Variants in RGS6 observed in about 807,000 individuals in gnomAD.
RGS6 encodes the protein regulator of G protein signaling 6.
Under a neutral mutation model 78.5 loss-of-function variants are expected in RGS6, and 30 were observed. That is an observed-to-expected ratio of 0.38 (90% CI 0.29 to 0.52). The LOEUF (loss-of-function observed/expected upper bound fraction) is 0.52, where lower values mean the gene tolerates loss of function less well. Ranked by LOEUF, RGS6 falls within the 20% of genes least tolerant of loss-of-function variation. The pLI is 0.85. For missense variants in RGS6, 495 were observed against 609.7 expected (o/e 0.81, Z 1.98); for synonymous variants, 206 against 206.0 (o/e 1.00, Z 0.00).
chr14:72,098,774 A>G (rs1437920943), intron 2 of RGS6, among the ~76,000 whole-genome samples: 1 of 152,114 alleles, frequency 6.6e-6, no homozygotes, highest in Non-Finnish European at 1.5e-5. Flanking sequence ...TTCCTGTAAA[A>G]TGGTACTGCA....
intron 3 of RGS6, among the ~76,000 whole-genome samples, chr14:72,377,335 A>G (rs1321272540): frequency 2.0e-5 from 3 of 152,238 alleles, no homozygotes; most frequent in Admixed American, 2.0e-4. Context: ...AGATTAATTC[A>G]GCAAGAGAAT....
At chr14:71,934,247 C>G (rs2088561272) in intron 1 of RGS6, among the ~76,000 whole-genome samples, 1 of 152,126 alleles carries the variant, frequency 6.6e-6, no homozygotes, top group Non-Finnish European at 1.5e-5. Context: ...TATTGTACCA[C>G]TCTTAAGCTA....
intron 3 of RGS6, among the ~76,000 whole-genome samples, chr14:72,418,206 G>A (rs942719168): frequency 3.3e-5 from 5 of 150,150 alleles, no homozygotes; most frequent in African/African-American, 1.2e-4. Flanking sequence ...TCACTCTGTT[G>A]CCCAGGTTGG....
chr14:72,044,835 T>C (rs1438621669), intron 2 of RGS6, among the ~76,000 whole-genome samples: 1 of 152,068 alleles, frequency 6.6e-6, no homozygotes, highest in Non-Finnish European at 1.5e-5. Flanking sequence ...ATGATGCCAC[T>C]GCACTCCAGC....
chr14:72,522,660 T>G (rs1414019414), intron 15 of RGS6, among the ~76,000 whole-genome samples: 1 of 150,414 alleles, frequency 6.6e-6, no homozygotes, highest in Non-Finnish European at 1.5e-5. Flanking sequence ...TTCATATAAT[T>G]TTTCACAAAA....
intron 2 of RGS6, among the ~76,000 whole-genome samples, chr14:72,145,485 G>A (rs2096595894): frequency 6.6e-6 from 1 of 152,134 alleles, no homozygotes; most frequent in Non-Finnish European, 1.5e-5. Flanking sequence ...TTAAAATTTT[G>A]TAAAGGTGGT....
Position 72,536,053 on chromosome 14 carries a change from T to G in RGS6, c.1279-133T>G, listed in dbSNP as rs529932589. On this transcript the variant is annotated intron_variant, in intron 15 of 17. Transcript: ENST00000553525. ...GTGTGGGGATGGAACATGTTGCAAG[T>G]TTTTCTAGGTACATGCAAACATACC... 6 of 683,368 alleles carry G rather than the reference T, an allele frequency of 8.8e-6. No homozygotes were observed. In the South Asian group the frequency reaches 9.8e-5, roughly 11 times the overall value. 42.3% of individuals were successfully genotyped at this position (683,368 alleles called of 1,614,324 possible).
chr14:71,876,799 T>C, the RGS6 span, among the ~76,000 whole-genome samples: 1 of 152,198 alleles, frequency 6.6e-6, no homozygotes, highest in Non-Finnish European at 1.5e-5. Context: ...GGTATGTTTT[T>C]GCAGTGGCTG....
the RGS6 span, chr14:72,594,979 T>C: frequency 5.3e-5 from 8 of 152,152 alleles, no homozygotes; most frequent in African/African-American, 1.9e-4. Context: ...GTGGTCATGC[T>C]TGAAAGTCAT....
chr14:72,072,461 C>A (rs1181274934), intron 2 of RGS6, among the ~76,000 whole-genome samples: 1 of 152,094 alleles, frequency 6.6e-6, no homozygotes, highest in African/African-American at 2.4e-5. Context: ...GTGTGTGCCA[C>A]CATGCCCGGC....
the RGS6 span, among the ~76,000 whole-genome samples, chr14:72,591,746 G>A: frequency 3.3e-5 from 5 of 152,156 alleles, no homozygotes; most frequent in Non-Finnish European, 5.9e-5. Flanking sequence ...AGACCAGTTC[G>A]CAGAAGAGAA....
rs1448600769 is a variant in RGS6, at chr14:72,445,473, A to T, written c.185-9055A>T. ...CCAAAGTGCTGGGATTACAGGCAAAAAGATGTGATTTTTTTTTTTTTTTTA... is the reference window on the plus strand; with the variant it reads ...CCAAAGTGCTGGGATTACAGGCAAATAGATGTGATTTTTTTTTTTTTTTTA... On this transcript the variant is annotated intron_variant, in intron 3 of 17. Transcript: ENST00000553525. Among the ~76,000 whole-genome samples, 12 of 130,604 alleles carry T rather than the reference A, an allele frequency of 9.2e-5. No homozygotes were observed. In the Admixed American group the frequency reaches 1.1e-3, roughly 12 times the overall value. 85.7% of individuals were successfully genotyped at this position (130,604 alleles called of 152,430 possible). A position where few individuals can be genotyped will look rare whatever the true frequency, so the allele number is the denominator to read the frequency against.
intron 2 of RGS6, among the ~76,000 whole-genome samples, chr14:72,235,447 A>G (rs534833298): frequency 3.3e-4 from 51 of 152,382 alleles, no homozygotes; most frequent in Non-Finnish European, 5.6e-4. Context: ...CATAATTGAA[A>G]TAAACTTTAA....
chr14:72,511,913 A>G (rs563406258), intron 14 of RGS6: 5 of 152,328 alleles, frequency 3.3e-5, no homozygotes, highest in African/African-American at 1.2e-4. Context: ...ATGCCTAATG[A>G]AGCATTTGTA....
At chr14:72,167,161 T>C (rs1018225735) in intron 2 of RGS6, among the ~76,000 whole-genome samples, 1 of 152,174 alleles carries the variant, frequency 6.6e-6, no homozygotes, top group Non-Finnish European at 1.5e-5. Context: ...GGATCCACAT[T>C]TGAGCTTGTT....
chr14:72,287,897 A>G (rs1306272080), intron 2 of RGS6, among the ~76,000 whole-genome samples: 6 of 152,348 alleles, frequency 3.9e-5, no homozygotes, highest in African/African-American at 9.6e-5. Context: ...TATTATATCA[A>G]TTGATTTGCA....
At chr14:72,087,482 A>C (rs1296284478) in intron 2 of RGS6, among the ~76,000 whole-genome samples, 1 of 152,150 alleles carries the variant, frequency 6.6e-6, no homozygotes, top group Non-Finnish European at 1.5e-5. Context: ...GAATATTGTG[A>C]AGTAGTAAAA....
At chr14:72,546,281 G>A (rs905868699) in intron 17 of RGS6, among the ~76,000 whole-genome samples, 3 of 152,198 alleles carry the variant, frequency 2.0e-5, no homozygotes, top group Non-Finnish European at 4.4e-5. Context: ...TACTGTTATA[G>A]TTTTGTAGCT....
At chr14:72,068,679 C>T (rs1218565420) in intron 2 of RGS6, among the ~76,000 whole-genome samples, 2 of 151,268 alleles carry the variant, frequency 1.3e-5, no homozygotes, top group Non-Finnish European at 3.0e-5. Flanking sequence ...GCATTTTTAC[C>T]AGAGATGGGA....
Sources: gnomAD v4.1 joint callset for allele counts (sites outside exome capture counted in the v4.1 genomes callset) on GRCh38, gnomAD v4.1.1 for gene constraint, MANE v1.5 for transcripts, NCBI Gene and HGNC (gene_info 2026-07-23, HGNC 2026-07-21) for gene names.